Variants in SHISA6 observed in about 807,000 individuals in gnomAD.
SHISA6 encodes shisa family member 6.
SHISA6 carries 22 observed loss-of-function variants against 47.9 expected under a neutral mutation model. The ratio of observed to expected loss-of-function variants is 0.46; its 90% confidence interval spans 0.33 to 0.66. The LOEUF (loss-of-function observed/expected upper bound fraction) is 0.66, where lower values mean the gene tolerates loss of function less well. Ranked by LOEUF, SHISA6 falls within the 30% of genes least tolerant of loss-of-function variation. The pLI is 0.02. For synonymous variants in SHISA6, 388 were observed against 337.8 expected (o/e 1.15, Z -1.63); for missense variants, 680 against 764.6 (o/e 0.89, Z 1.30).
chr17:11,403,230 T>C (rs1567596447), intron 3 of SHISA6, among the ~76,000 whole-genome samples: 1 of 152,092 alleles, frequency 6.6e-6, no homozygotes, highest in South Asian at 2.1e-4. Flanking sequence ...TTTTAGGGAG[T>C]AATTGCTCTC....
chr17:11,422,998 GA>G (rs35031336), intron 3 of SHISA6, among the ~76,000 whole-genome samples: 9 of 148,032 alleles, frequency 6.1e-5, no homozygotes, highest in South Asian at 2.1e-4. Flanking sequence ...TAGATTCCAG[GA>G]AAAAAAAAAC....
At chr17:11,528,441 G>A (rs1051298594) in intron 3 of SHISA6, among the ~76,000 whole-genome samples, 4 of 152,220 alleles carry the variant, frequency 2.6e-5, no homozygotes, top group East Asian at 1.9e-4. Flanking sequence ...AGGCTAAAAC[G>A]TATATACACG....
At chr17:11,420,346 C>T (rs1416836588) in intron 3 of SHISA6, among the ~76,000 whole-genome samples, 1 of 152,158 alleles carries the variant, frequency 6.6e-6, no homozygotes, top group Non-Finnish European at 1.5e-5. Context: ...TTGAATAAAG[C>T]ATTCCCACAT....
chr17:11,512,443 T>C (rs1205295672), intron 3 of SHISA6, among the ~76,000 whole-genome samples: 1 of 152,266 alleles, frequency 6.6e-6, no homozygotes, highest in Non-Finnish European at 1.5e-5. Flanking sequence ...TCCTGTTCTT[T>C]GTTAACTTGC....
intron 1 of SHISA6, among the ~76,000 whole-genome samples, chr17:11,248,365 C>G (rs1306450760): frequency 6.6e-6 from 1 of 152,148 alleles, no homozygotes; most frequent in Admixed American, 6.5e-5. Flanking sequence ...ACAAGTGAGG[C>G]AACTGAAATT....
chr17:11,358,380 A>ATGGAGTCGCTCTCCTGTCGCCCAGGC (rs1310883181), intron 2 of SHISA6, among the ~76,000 whole-genome samples: 20 of 151,182 alleles, frequency 1.3e-4, no homozygotes, highest in East Asian at 5.9e-4. Context: ...TTTTTTTGAG[A>ATGGAGTCGCTCTCCTGTCGCCCAGGC]TGGAGTCGCT....
chr17:11,447,537 G>A (rs577979629), intron 3 of SHISA6, among the ~76,000 whole-genome samples: 17 of 152,240 alleles, frequency 1.1e-4, no homozygotes, highest in Admixed American at 2.0e-4. Context: ...TTAACAGCTC[G>A]CCTTACTTCA....
In SHISA6 at chr17:11,244,565, G is replaced by A. The variant is rs374795035; in HGVS notation, c.638+2505G>A. Among the ~76,000 whole-genome samples the A allele has an allele frequency of 9.5e-4, 145 of 152,200 alleles. No homozygotes were observed. In the South Asian group the frequency reaches 0.011, roughly 12 times the overall value. On this transcript the variant is annotated intron_variant, in intron 1 of 5. Coordinates refer to ENST00000441885, the MANE Select transcript of SHISA6 (RefSeq NM_207386.4). ...CTTTGCTCACACCTCAGAGACCACCGTTTGCCATTCTGGGGAGTATTTTTG... is the reference window on the plus strand; with the variant it reads ...CTTTGCTCACACCTCAGAGACCACCATTTGCCATTCTGGGGAGTATTTTTG...
chr17:11,507,753 GC>G (rs2071511634), intron 3 of SHISA6, among the ~76,000 whole-genome samples: 1 of 152,106 alleles, frequency 6.6e-6, no homozygotes, highest in Non-Finnish European at 1.5e-5. Flanking sequence ...TGTGTCTCTT[GC>G]CACTAACTTG....
At chr17:11,418,822 T>C (rs1036676148) in intron 3 of SHISA6, among the ~76,000 whole-genome samples, 1 of 152,226 alleles carries the variant, frequency 6.6e-6, no homozygotes, top group African/African-American at 2.4e-5. Context: ...TTTTCTTTCT[T>C]AGTTACTTGG....
At chr17:11,490,497 G>A (rs1597547531) in intron 3 of SHISA6, among the ~76,000 whole-genome samples, 1 of 152,146 alleles carries the variant, frequency 6.6e-6, no homozygotes, top group East Asian at 1.9e-4. Context: ...TGATGCCTTT[G>A]CAAGCTTCAG....
At chr17:11,275,907 A>G (rs553151576) in intron 2 of SHISA6, among the ~76,000 whole-genome samples, 1 of 152,126 alleles carries the variant, frequency 6.6e-6, no homozygotes, top group African/African-American at 2.4e-5. Context: ...TATAGCGAGT[A>G]GAGATATGAT....
intron 3 of SHISA6, among the ~76,000 whole-genome samples, chr17:11,508,737 C>A (rs2142352932): frequency 7.2e-6 from 1 of 138,608 alleles, no homozygotes; most frequent in African/African-American, 2.7e-5. Flanking sequence ...ATTCATCTAG[C>A]AAATATTTAT....
intron 2 of SHISA6, among the ~76,000 whole-genome samples, chr17:11,339,993 CTTGTTAAAAGCTAATTACCA>C (rs1049446618): frequency 1.3e-5 from 2 of 152,204 alleles, no homozygotes; most frequent in Admixed American, 1.3e-4. Context: ...AAAGGAACCA[CTTGTTAAAAGCTAATTACCA>C]TTGTGATTTT....
intron 2 of SHISA6, among the ~76,000 whole-genome samples, chr17:11,297,861 G>C (rs1597445904): frequency 6.6e-6 from 1 of 152,318 alleles, no homozygotes; most frequent in East Asian, 1.9e-4. Flanking sequence ...ATTCCTTGGT[G>C]TTAGCAGGAG....
chr17:11,335,188 T>C (rs1911277204), intron 2 of SHISA6, among the ~76,000 whole-genome samples: 1 of 152,238 alleles, frequency 6.6e-6, no homozygotes, highest in Non-Finnish European at 1.5e-5. Flanking sequence ...GCCTTGGCGG[T>C]TGCACAGATC....
chr17:11,458,905 T>C (rs920721116), intron 3 of SHISA6, among the ~76,000 whole-genome samples: 2 of 152,034 alleles, frequency 1.3e-5, no homozygotes, highest in Non-Finnish European at 2.9e-5. Flanking sequence ...AAAGGAGTTA[T>C]GGTGTAAAAG....
chr17:11,540,632 ATGTTTCC>A (rs1472480445), intron 3 of SHISA6, among the ~76,000 whole-genome samples: 1 of 152,194 alleles, frequency 6.6e-6, no homozygotes. Flanking sequence ...ATGGATGTAT[ATGTTTCC>A]TGTCTACACT....
chr17:11,546,628 G>C (rs1012056231), intron 3 of SHISA6, among the ~76,000 whole-genome samples: 16 of 152,186 alleles, frequency 1.1e-4, no homozygotes, highest in African/African-American at 3.9e-4. Flanking sequence ...GCATTAAATA[G>C]GACAGAAAGG....
Sources: allele counts gnomAD v4.1 joint callset (sites outside exome capture counted in the v4.1 genomes callset), GRCh38; gene constraint gnomAD v4.1.1; transcripts MANE v1.5; gene names NCBI Gene and HGNC (gene_info 2026-07-23, HGNC 2026-07-21).